IMMP2L: variants seen among roughly 807,000 people sequenced by gnomAD.
IMMP2L encodes mitochondrial inner membrane protease subunit 2.
IMMP2L carries 18 observed loss-of-function variants against 19.3 expected under a neutral mutation model. That is an observed-to-expected ratio of 0.93 (90% confidence interval 0.64 to 1.38). IMMP2L has a LOEUF of 1.38. Among genes scored for constraint, IMMP2L ranks in the 40% most tolerant of loss-of-function variants. IMMP2L has a pLI of 0.00. For missense variants in IMMP2L, 233 were observed against 218.2 expected (o/e 1.07, Z -0.43); for synonymous variants, 76 against 73.0 (o/e 1.04, Z -0.21).
rs10598353 is a variant in IMMP2L at position 110,951,538 on chromosome 7, G to GGTGT, written c.305+11958_305+11961dup. ...ACAAAGTATTGCTGCATGTATATAT[G>GGTGT]GTGTGTGTGTGTGTGTGTGTGTGTA... On this transcript the variant is annotated intron_variant, in intron 4 of 5. Transcript: ENST00000405709. 8.3e-4 allele frequency among the ~76,000 whole-genome samples: 125 copies of GGTGT among 149,750 alleles called. 3 individuals are homozygous for GGTGT. Among genetic ancestry groups the GGTGT allele is most frequent in the African/African-American group, 2.3e-3 (92 of 40,870 alleles).
chr7:111,440,796 A>G (rs758765189), intron 3 of IMMP2L, among the ~76,000 whole-genome samples: 1 of 151,822 alleles, frequency 6.6e-6, no homozygotes, highest in African/African-American at 2.4e-5. Context: ...TTCCTATATA[A>G]AGCTGTTTCG....
At chr7:111,403,456 T>C (rs1477823384) in intron 3 of IMMP2L, among the ~76,000 whole-genome samples, 5 of 151,834 alleles carry the variant, frequency 3.3e-5, no homozygotes, top group African/African-American at 1.2e-4. Context: ...GGTATATATA[T>C]ATATATATAT....
chr7:110,890,324 T>G (rs900787832), intron 4 of IMMP2L, among the ~76,000 whole-genome samples: 1 of 152,204 alleles, frequency 6.6e-6, no homozygotes, highest in Non-Finnish European at 1.5e-5. Context: ...TATTTGAATA[T>G]TGCTATGCTA....
chr7:111,332,268 T>C (rs866330507), intron 3 of IMMP2L, among the ~76,000 whole-genome samples: 3 of 151,858 alleles, frequency 2.0e-5, no homozygotes, highest in African/African-American at 7.2e-5. Flanking sequence ...AAAAGGTTAC[T>C]AGAGAAAGAA....
At chr7:110,927,922 G>GACCT (rs1815038847) in intron 4 of IMMP2L, among the ~76,000 whole-genome samples, 1 of 152,032 alleles carries the variant, frequency 6.6e-6, no homozygotes, top group African/African-American at 2.4e-5. Context: ...TGGCCAGTAG[G>GACCT]AAGCTCACTT....
At chr7:111,073,632 G>C (rs1221044668) in intron 3 of IMMP2L, among the ~76,000 whole-genome samples, 1 of 152,026 alleles carries the variant, frequency 6.6e-6, no homozygotes, top group Non-Finnish European at 1.5e-5. Flanking sequence ...ATTCCCTGTG[G>C]CATCATTTTT....
intron 1 of IMMP2L, among the ~76,000 whole-genome samples, chr7:111,522,856 C>T (rs1285574953): frequency 1.3e-5 from 2 of 150,096 alleles, no homozygotes; most frequent in Admixed American, 6.6e-5. Flanking sequence ...CAGCACTATT[C>T]ACAATAGCCA....
chr7:111,439,620 T>C (rs951932340), intron 3 of IMMP2L, among the ~76,000 whole-genome samples: 2 of 151,978 alleles, frequency 1.3e-5, no homozygotes, highest in South Asian at 2.1e-4. Context: ...CTTTGGCAAG[T>C]TGTAATCTTT....
chr7:111,502,235 A>G (rs1305707131), intron 2 of IMMP2L, among the ~76,000 whole-genome samples: 4 of 152,172 alleles, frequency 2.6e-5, no homozygotes, highest in Non-Finnish European at 5.9e-5. Flanking sequence ...GCCATTACAT[A>G]ATGGTAAAGG....
chr7:111,155,474 T>C (rs1804536711), intron 3 of IMMP2L, among the ~76,000 whole-genome samples: 1 of 152,078 alleles, frequency 6.6e-6, no homozygotes, highest in Non-Finnish European at 1.5e-5. Context: ...ATTGGAACAT[T>C]AGAATAGGTG....
At chr7:111,062,074 T>C (rs1304977240) in intron 3 of IMMP2L, among the ~76,000 whole-genome samples, 7 of 152,204 alleles carry the variant, frequency 4.6e-5, no homozygotes, top group Admixed American at 4.6e-4. Flanking sequence ...AAGTATTTTC[T>C]GTAATTTAGA....
chr7:110,848,838 A>G (rs117039238), intron 5 of IMMP2L, among the ~76,000 whole-genome samples: 12 of 152,274 alleles, frequency 7.9e-5, no homozygotes, highest in Non-Finnish European at 1.8e-4. Context: ...TTTCAAATAT[A>G]TGACATTCTG....
chr7:111,122,843 A>G (rs9942557), intron 3 of IMMP2L: 68,156 of 1,613,886 alleles, frequency 0.042, 1,605 homozygotes, highest in Middle Eastern at 0.071. Context: ...CAAGCTGTAG[A>G]TAAAAAAGTG....
At chr7:110,790,081 G>C (rs1281243690) in intron 5 of IMMP2L, among the ~76,000 whole-genome samples, 1 of 151,602 alleles carries the variant, frequency 6.6e-6, no homozygotes, top group Non-Finnish European at 1.5e-5. Context: ...ACTTTGTCTT[G>C]TTGAAAGCTC....
intron 5 of IMMP2L, among the ~76,000 whole-genome samples, chr7:110,846,378 G>A (rs1268641649): frequency 1.8e-5 from 2 of 112,452 alleles, no homozygotes; most frequent in Non-Finnish European, 3.7e-5. Flanking sequence ...TGTTGTTGTT[G>A]TTGTTGAGAC....
chr7:111,521,219 T>TC, intron 2 of IMMP2L, 94 bp downstream of exon 2: 6 of 1,335,134 alleles, frequency 4.5e-6, no homozygotes, highest in Middle Eastern at 1.9e-4. Context: ...ACCTTTCAGT[T>TC]CCCAGAATAG....
chr7:111,518,854 T>C (rs537155626), intron 2 of IMMP2L, among the ~76,000 whole-genome samples: 1 of 152,212 alleles, frequency 6.6e-6, no homozygotes, highest in African/African-American at 2.4e-5. Context: ...CCATTCTACT[T>C]TGATTCTGAA....
intron 5 of IMMP2L, among the ~76,000 whole-genome samples, chr7:110,679,671 G>C (rs915302643): frequency 6.6e-6 from 1 of 152,098 alleles, no homozygotes; most frequent in Non-Finnish European, 1.5e-5. Context: ...CCTCTGCTGG[G>C]GTTACCTCTG....
At chr7:111,159,601 C>G (rs1805028449) in intron 3 of IMMP2L, among the ~76,000 whole-genome samples, 2 of 152,088 alleles carry the variant, frequency 1.3e-5, no homozygotes, top group African/African-American at 4.8e-5. Context: ...AATAAGCTAA[C>G]TGCCTTAAAT....
Sources: allele counts gnomAD v4.1 joint callset (sites outside exome capture counted in the v4.1 genomes callset), GRCh38; gene constraint gnomAD v4.1.1; transcripts MANE v1.5; gene names NCBI Gene and HGNC (gene_info 2026-07-23, HGNC 2026-07-21).